Variants in LDAH observed in about 807,000 individuals in gnomAD.
LDAH encodes lipid droplet-associated hydrolase.
In LDAH, 26 loss-of-function variants were observed where a neutral mutation model predicts 29.6. The observed-to-expected ratio is 0.88, with a 90% confidence interval of 0.64 to 1.22. LDAH has a LOEUF of 1.22. Among genes scored for constraint, LDAH ranks in the 50% most tolerant of loss-of-function variants. The probability of loss-of-function intolerance (pLI) is 0.00; values close to 1 mark genes in which losing one functional copy is unlikely to be tolerated. For synonymous variants in LDAH, 117 were observed against 133.0 expected (o/e 0.88, Z 0.83); for missense variants, 344 against 387.3 (o/e 0.89, Z 0.94).
intron 5 of LDAH, among the ~76,000 whole-genome samples, chr2:20,713,496 A>T (rs1664924122): frequency 6.6e-6 from 1 of 152,220 alleles, no homozygotes; most frequent in African/African-American, 2.4e-5. Context: ...CAAAATAACC[A>T]GCTAACATCA....
chr2:20,792,759 T>C (rs1671060514), intron 2 of LDAH, among the ~76,000 whole-genome samples: 1 of 152,036 alleles, frequency 6.6e-6, no homozygotes, highest in Admixed American at 6.6e-5. Context: ...AATGACACGA[T>C]ATATGAAAAA....
chr2:20,752,014 C>T (rs1442605624), intron 4 of LDAH, among the ~76,000 whole-genome samples: 4 of 152,136 alleles, frequency 2.6e-5, no homozygotes, highest in Non-Finnish European at 5.9e-5. Context: ...GTCTCAGCCT[C>T]CTAAGTAGCT....
intron 5 of LDAH, among the ~76,000 whole-genome samples, chr2:20,715,714 C>A (rs4600602): frequency 0.25 from 38,501 of 152,018 alleles, 5,262 homozygotes; most frequent in East Asian, 0.36. Flanking sequence ...TGCAAAAATC[C>A]CAAGCATTCC....
chr2:20,731,787 T>C (rs769912195), intron 5 of LDAH, among the ~76,000 whole-genome samples: 4 of 152,098 alleles, frequency 2.6e-5, no homozygotes, highest in Admixed American at 1.3e-4. Flanking sequence ...TGTGACATTG[T>C]TGAACTTGTA....
intron 2 of LDAH, 120 bp downstream of exon 2, chr2:20,801,189 GT>G: frequency 9.7e-7 from 1 of 1,035,170 alleles, no homozygotes; most frequent in Non-Finnish European, 1.4e-6. Context: ...TTAACAATGG[GT>G]CAAGCGATTT....
At position 20,790,244 on chromosome 2, in the gene LDAH, CA is replaced by C; in HGVS notation, c.298+10del. ...CACTCTAAAGGAAAGTAGATATTAA[CA>C]AGGACATACCCTCTGATGTTGTAAG... On this transcript the variant is annotated intron_variant, in intron 3 of 6. Coordinates refer to ENST00000237822, the MANE Select transcript of LDAH (RefSeq NM_021925.4). 1 of 1,613,510 alleles carries C rather than the reference CA, an allele frequency of 6.2e-7. No individual in the cohort carries two copies. The highest frequency in any genetic ancestry group is 1.3e-5 in the African/African-American group (1 of 75,000).
chr2:20,811,142 C>T (rs1672461690), intron 1 of LDAH, among the ~76,000 whole-genome samples: 2 of 151,714 alleles, frequency 1.3e-5, no homozygotes, highest in African/African-American at 2.4e-5. Context: ...CTCAGCCTCC[C>T]GAGTAGCTGG....
At chr2:20,726,287 C>G (rs1666009966) in intron 5 of LDAH, among the ~76,000 whole-genome samples, 1 of 152,150 alleles carries the variant, frequency 6.6e-6, no homozygotes. Context: ...CTCCTCCTAG[C>G]ACATATTCTG....
chr2:20,738,789 A>G (rs1332032187), intron 5 of LDAH, among the ~76,000 whole-genome samples: 1 of 152,200 alleles, frequency 6.6e-6, no homozygotes, highest in Non-Finnish European at 1.5e-5. Flanking sequence ...AAATATACTG[A>G]ACCTTGTATT....
At chr2:20,791,383 T>G (rs1357863661) in intron 2 of LDAH, among the ~76,000 whole-genome samples, 1 of 152,198 alleles carries the variant, frequency 6.6e-6, no homozygotes, top group Non-Finnish European at 1.5e-5. Flanking sequence ...AGTGAATCAA[T>G]GTACAAAGCA....
At chr2:20,690,958 A>C (rs1314816754) in intron 6 of LDAH, among the ~76,000 whole-genome samples, 1 of 152,204 alleles carries the variant, frequency 6.6e-6, no homozygotes, top group Non-Finnish European at 1.5e-5. Context: ...AGGCTTAGCA[A>C]GATTAACCTG....
chr2:20,739,163 G>A (rs1667007488), intron 5 of LDAH, among the ~76,000 whole-genome samples: 2 of 152,154 alleles, frequency 1.3e-5, no homozygotes, highest in African/African-American at 4.8e-5. Context: ...GAGGAACACA[G>A]GTAAAAGCTT....
intron 3 of LDAH, among the ~76,000 whole-genome samples, chr2:20,787,204 A>G (rs943470816): frequency 4.6e-5 from 7 of 152,180 alleles, no homozygotes; most frequent in Non-Finnish European, 8.8e-5. Context: ...TTGTCTCTCT[A>G]GATTTTAGGT....
intron 6 of LDAH, among the ~76,000 whole-genome samples, chr2:20,693,880 C>T (rs562658152): frequency 9.2e-5 from 14 of 152,334 alleles, no homozygotes; most frequent in African/African-American, 2.6e-4. Flanking sequence ...GGCAGGGCAA[C>T]CAGGAAGCCA....
At chr2:20,745,832 T>C (rs1380923740) in intron 4 of LDAH, among the ~76,000 whole-genome samples, 1 of 152,210 alleles carries the variant, frequency 6.6e-6, no homozygotes, top group East Asian at 1.9e-4. Flanking sequence ...ACAAGTCCTA[T>C]GACGGGGCAG....
At chr2:20,757,464 C>A (rs1449714696) in intron 4 of LDAH, among the ~76,000 whole-genome samples, 1 of 152,128 alleles carries the variant, frequency 6.6e-6, no homozygotes, top group Non-Finnish European at 1.5e-5. Flanking sequence ...TAAATCCTCC[C>A]TGGAGGAAGA....
At chr2:20,721,962 A>C (rs563419449) in intron 5 of LDAH, among the ~76,000 whole-genome samples, 1 of 152,372 alleles carries the variant, frequency 6.6e-6, no homozygotes, top group Admixed American at 6.5e-5. Context: ...TCAGCCATAA[A>C]AAGAATGAAA....
At chr2:20,810,433 C>T (rs1299711068) in intron 1 of LDAH, among the ~76,000 whole-genome samples, 1 of 152,126 alleles carries the variant, frequency 6.6e-6, no homozygotes, top group Non-Finnish European at 1.5e-5. Flanking sequence ...TAGACAGAAG[C>T]CCATCAATAT....
intron 4 of LDAH, among the ~76,000 whole-genome samples, chr2:20,759,460 C>T: frequency 6.6e-6 from 1 of 152,152 alleles, no homozygotes; most frequent in Non-Finnish European, 1.5e-5. Flanking sequence ...TTAGTGCCTG[C>T]TAGGCTTTTT....
Sources: gnomAD v4.1 joint callset for allele counts (sites outside exome capture counted in the v4.1 genomes callset) on GRCh38, gnomAD v4.1.1 for gene constraint, MANE v1.5 for transcripts, NCBI Gene and HGNC (gene_info 2026-07-23, HGNC 2026-07-21) for gene names.